LINGO2: variants seen among roughly 807,000 people sequenced by gnomAD.
The protein encoded by LINGO2 is leucine rich repeat and Ig domain containing 2.
LINGO2 carries 14 observed loss-of-function variants against 30.6 expected under a neutral mutation model. The ratio of observed to expected loss-of-function variants is 0.46; its 90% CI spans 0.30 to 0.72. The LOEUF (loss-of-function observed/expected upper bound fraction) is 0.72, where lower values mean the gene tolerates loss of function less well. LINGO2 is among the 30% of genes least tolerant of loss of function. The pLI is 0.07. For synonymous variants in LINGO2, 317 were observed against 288.5 expected, an observed-to-expected ratio of 1.10 and a Z score of -1.00; for missense variants, 729 against 751.7, an observed-to-expected ratio of 0.97 and a Z score of 0.35.
intron 4 of LINGO2, among the ~76,000 whole-genome samples, chr9:28,144,521 GGTTAAGA>G (rs1302905708): frequency 6.6e-6 from 1 of 152,132 alleles, no homozygotes; most frequent in Admixed American, 6.5e-5. Flanking sequence ...ATAATTCCAG[GGTTAAGA>G]GTTTCAATCT....
chr9:29,189,387 C>A, the LINGO2 span, among the ~76,000 whole-genome samples: 34,464 of 149,882 alleles, frequency 0.23, 4,860 homozygotes, highest in East Asian at 0.34. Context: ...GGGCGGTTGC[C>A]GGGCAGAGGG....
the LINGO2 span, among the ~76,000 whole-genome samples, chr9:28,997,283 A>G: frequency 6.6e-6 from 1 of 152,128 alleles, no homozygotes; most frequent in African/African-American, 2.4e-5. Context: ...ATAAAATAAC[A>G]TAAAATAATA....
chr9:29,199,182 G>T, the LINGO2 span, among the ~76,000 whole-genome samples: 2 of 152,020 alleles, frequency 1.3e-5, no homozygotes. Flanking sequence ...GGAAAAGAAA[G>T]ATCTCTGGAG....
chr9:29,051,538 T>C, the LINGO2 span, among the ~76,000 whole-genome samples: 10 of 152,202 alleles, frequency 6.6e-5, no homozygotes, highest in African/African-American at 2.4e-4. Context: ...GGGTAAAACC[T>C]ACAGTTCTAA....
chr9:28,441,415 C>T (rs1451701378), intron 2 of LINGO2, among the ~76,000 whole-genome samples: 2 of 151,690 alleles, frequency 1.3e-5, no homozygotes, highest in Non-Finnish European at 2.9e-5. Context: ...ATAGACTTTA[C>T]CTCATACTTC....
intron 4 of LINGO2, among the ~76,000 whole-genome samples, chr9:28,042,740 T>C (rs1824251084): frequency 6.6e-6 from 1 of 152,206 alleles, no homozygotes. Context: ...CTGCAATCAA[T>C]ATCATCTTAT....
chr9:28,167,904 A>T (rs1266570296), intron 4 of LINGO2, among the ~76,000 whole-genome samples: 1 of 152,178 alleles, frequency 6.6e-6, no homozygotes, highest in Admixed American at 6.5e-5. Flanking sequence ...CCTTCTCCAC[A>T]CATTGGGAGG....
the LINGO2 span, among the ~76,000 whole-genome samples, chr9:29,139,751 G>C: frequency 8.5e-5 from 13 of 152,104 alleles, no homozygotes; most frequent in African/African-American, 2.7e-4. Flanking sequence ...AAACTCCCAA[G>C]TCCTAGCTTC....
chr9:28,987,319 G>A, the LINGO2 span, among the ~76,000 whole-genome samples: 5 of 151,634 alleles, frequency 3.3e-5, no homozygotes, highest in African/African-American at 1.2e-4. Context: ...TAGGTTATCT[G>A]ATTTGTTGAT....
chr9:28,032,595 T>C (rs1467182618), intron 4 of LINGO2, among the ~76,000 whole-genome samples: 1 of 152,198 alleles, frequency 6.6e-6, no homozygotes, highest in East Asian at 1.9e-4. Context: ...GCAACATAAA[T>C]GTTTTTAGTC....
intron 4 of LINGO2, among the ~76,000 whole-genome samples, chr9:28,149,908 G>C (rs139869673): frequency 3.3e-5 from 5 of 150,632 alleles, no homozygotes; most frequent in African/African-American, 1.2e-4. Context: ...CCTATGCCTC[G>C]CCGCCGTCCT....
chr9:27,980,947 G>A (rs369566618), intron 5 of LINGO2, among the ~76,000 whole-genome samples: 2 of 151,884 alleles, frequency 1.3e-5, no homozygotes, highest in Admixed American at 1.3e-4. Context: ...GTGCAGAACA[G>A]AAATTTAATG....
intron 4 of LINGO2, among the ~76,000 whole-genome samples, chr9:28,275,298 C>T (rs1181458389): frequency 6.6e-6 from 1 of 151,968 alleles, no homozygotes; most frequent in Non-Finnish European, 1.5e-5. Flanking sequence ...TGGTCTCGAC[C>T]TCCTGACCTC....
chr9:28,650,045 A>C (rs567883627), intron 1 of LINGO2, among the ~76,000 whole-genome samples: 48 of 152,106 alleles, frequency 3.2e-4, no homozygotes, highest in Middle Eastern at 3.4e-3. Flanking sequence ...GGAAAAAAAA[A>C]AACAACAACA....
the LINGO2 span, among the ~76,000 whole-genome samples, chr9:28,738,881 T>C: frequency 2.0e-5 from 3 of 151,994 alleles, no homozygotes; most frequent in Non-Finnish European, 4.4e-5. Context: ...TTTAAAAAAA[T>C]TAGTTAATTA....
chr9:28,183,076 G>A (rs1376847368), intron 4 of LINGO2, among the ~76,000 whole-genome samples: 1 of 152,138 alleles, frequency 6.6e-6, no homozygotes, highest in East Asian at 1.9e-4. Context: ...ATTAATGATA[G>A]ACTGGATAAA....
At chr9:28,291,667 T>A (rs1457267058) in intron 4 of LINGO2, among the ~76,000 whole-genome samples, 1 of 152,044 alleles carries the variant, frequency 6.6e-6, no homozygotes, top group East Asian at 1.9e-4. Flanking sequence ...CTGAAGCAAA[T>A]AGAGTAAAAA....
chr9:29,178,587 T>C, the LINGO2 span, among the ~76,000 whole-genome samples: 2 of 152,044 alleles, frequency 1.3e-5, no homozygotes, highest in Non-Finnish European at 2.9e-5. Flanking sequence ...AACAACAAAA[T>C]GTATGTATAA....
At chr9:28,031,436 T>C (rs2119442649) in intron 4 of LINGO2, among the ~76,000 whole-genome samples, 1 of 152,120 alleles carries the variant, frequency 6.6e-6, no homozygotes, top group South Asian at 2.1e-4. Context: ...TGACTTATGT[T>C]TACATTGTGG....
Sources: allele counts gnomAD v4.1 joint callset (sites outside exome capture counted in the v4.1 genomes callset), GRCh38; gene constraint gnomAD v4.1.1; transcripts MANE v1.5; gene names NCBI Gene and HGNC (gene_info 2026-07-23, HGNC 2026-07-21).